RREB1: variants seen among roughly 807,000 people sequenced by gnomAD.
RREB1 encodes ras responsive element binding protein 1.
A neutral mutation model predicts 117.8 loss-of-function variants in RREB1; 27 were observed. The observed-to-expected ratio is 0.23, with a 90% CI of 0.17 to 0.32. The LOEUF (loss-of-function observed/expected upper bound fraction) is 0.32, where lower values mean the gene tolerates loss of function less well. RREB1 is among the 10% of genes least tolerant of loss of function. The probability of loss-of-function intolerance (pLI) is 1.00; values close to 1 mark genes in which losing one functional copy is unlikely to be tolerated. For synonymous variants in RREB1, 1,298 were observed against 1,026.7 expected (o/e 1.26, Z -5.05); for missense variants, 2,577 against 2,378.2 (o/e 1.08, Z -1.74).
rs1768635933 is a variant in RREB1 at position 7,240,471 on chromosome 6, C to G, written c.3842C>G (p.Ala1281Gly). Residue 1281 changes from alanine (A) to glycine (G), a missense_variant, in exon 11 of 13, where the codon GCC (alanine) becomes GGC (glycine). Ala to Gly is a moderately conservative substitution (Grantham distance 60, BLOSUM62 0). Transcript: ENST00000379938. ...CCCTTCCCTTGTCAAAAATGCGATG[C>G]CTTCTTTTCTACCAAATCTAACTGT... ...QKPFPCQKCDAFFSTKSNCER... is the reference protein window; with the variant it reads ...QKPFPCQKCDGFFSTKSNCER... 1 of 1,613,742 alleles carries G rather than the reference C, an allele frequency of 6.2e-7. No homozygotes were observed. The highest frequency in any genetic ancestry group is 8.5e-7 in the Non-Finnish European group (1 of 1,179,836).
Position 7,230,515 on chromosome 6 carries a change from A to G in RREB1, c.2416A>G (p.Ile806Val). The change falls in exon 10 of 13, where the codon ATC (isoleucine) becomes GTC (valine). Residue 806 changes from isoleucine to valine, a missense_variant. Transcript: ENST00000379938. Reference protein sequence around the residue: ...SAAFAAKRNCIHHILKQHLHV... With the variant: ...SAAFAAKRNCVHHILKQHLHV... ...CGCGTTCGCGGCCAAGCGCAACTGC[A>G]TCCACCACATCCTCAAGCAGCACCT... The G allele has an allele frequency of 6.3e-7, 1 of 1,594,318 alleles. No individual in the cohort carries two copies. Among genetic ancestry groups the G allele is most frequent in the Non-Finnish European group, 8.5e-7 (1 of 1,176,168 alleles).
chr6:7,170,741 A>G (rs543104237), intron 1 of RREB1, among the ~76,000 whole-genome samples: 13 of 152,272 alleles, frequency 8.5e-5, no homozygotes, highest in African/African-American at 2.9e-4. Context: ...AGAGTTAGAA[A>G]TGGGGATCTT....
intron 10 of RREB1, among the ~76,000 whole-genome samples, chr6:7,235,191 C>T (rs1283352872): frequency 2.0e-5 from 3 of 152,194 alleles, no homozygotes; most frequent in Non-Finnish European, 4.4e-5. Context: ...TTATATGGAG[C>T]ACTTGGCTAC....
intron 1 of RREB1, among the ~76,000 whole-genome samples, chr6:7,142,861 C>A (rs1232356902): frequency 6.6e-6 from 1 of 152,194 alleles, no homozygotes; most frequent in African/African-American, 2.4e-5. Flanking sequence ...ATTCTTCATT[C>A]TTCATGGGGG....
intron 1 of RREB1, among the ~76,000 whole-genome samples, chr6:7,173,778 C>CT: frequency 6.7e-6 from 1 of 148,404 alleles, no homozygotes; most frequent in East Asian, 2.0e-4. Flanking sequence ...TCAGCCTTGG[C>CT]GACAGAAAAA....
At chr6:7,167,032 T>A (rs1763967900) in intron 1 of RREB1, among the ~76,000 whole-genome samples, 1 of 152,218 alleles carries the variant, frequency 6.6e-6, no homozygotes, top group African/African-American at 2.4e-5. Flanking sequence ...CTCCCATTTC[T>A]ACCATACATT....
chr6:7,231,047 T>C lies in RREB1; in HGVS notation c.2948T>C (p.Leu983Ser), dbSNP rs115093903. 3,837 of 1,613,844 alleles carry C rather than the reference T, an allele frequency of 2.4e-3. 64 individuals carry two copies. In the African/African-American group the frequency reaches 0.042, roughly 18 times the overall value. ...PAPGPSLPVT[L>S]GPSGILESPM... is the part of the protein sequence containing the mutation. ...CCCGGCCCTTCTCTTCCTGTAACTT[T>C]GGGGCCCAGCGGAATCCTGGAAAGC... Residue 983 changes from leucine (L) to serine (S), a missense_variant, in exon 10 of 13, where the codon TTG becomes TCG. Coordinates refer to ENST00000379938, the MANE Select transcript of RREB1 (RefSeq NM_001003699.4).
intron 6 of RREB1, among the ~76,000 whole-genome samples, chr6:7,194,849 C>G (rs1039066891): frequency 2.0e-5 from 3 of 152,118 alleles, no homozygotes; most frequent in Admixed American, 2.0e-4. Flanking sequence ...CTGAAACCAC[C>G]GTAATGACAA....
In RREB1 at chr6:7,248,528, T is replaced by C; in HGVS notation, c.4789T>C (p.Cys1597Arg). Residue 1597 changes from cysteine to arginine, a missense_variant, in exon 13 of 13, where the codon TGT becomes CGT. Transcript: ENST00000379938. ...TGTTCCAGGGGAAAGGCCATACAAA[T>C]GTCAGACCTGCGAGCGAACCTTCAC... ...RSHTGERPYK[C>R]QTCERTFTLK... 1 of 1,614,202 alleles carries C rather than the reference T, an allele frequency of 6.2e-7. No homozygotes were observed. The highest frequency in any genetic ancestry group is 8.5e-7 in the Non-Finnish European group (1 of 1,180,020).
At chr6:7,127,974 C>T (rs1762008819) in intron 1 of RREB1, among the ~76,000 whole-genome samples, 1 of 152,122 alleles carries the variant, frequency 6.6e-6, no homozygotes, top group South Asian at 2.1e-4. Flanking sequence ...AGTCAGACTG[C>T]AGGCCCCAAA....
intron 12 of RREB1, among the ~76,000 whole-genome samples, chr6:7,247,691 G>A (rs936092787): frequency 6.6e-6 from 1 of 152,118 alleles, no homozygotes; most frequent in Non-Finnish European, 1.5e-5. Context: ...TTTCTTAGCC[G>A]TGCAGTTCGG....
At chr6:7,177,485 G>C (rs1764563819) in intron 2 of RREB1, among the ~76,000 whole-genome samples, 1 of 151,586 alleles carries the variant, frequency 6.6e-6, no homozygotes, top group African/African-American at 2.4e-5. Flanking sequence ...AACTTCATCT[G>C]GTTTCCCAGT....
At position 7,249,066 on chromosome 6, in the gene RREB1, AGAG is replaced by A; in HGVS notation, c.*99_*101del. The A allele has an allele frequency of 3.9e-5, 1 of 25,442 alleles. No homozygotes were observed. The highest frequency in any genetic ancestry group is 3.5e-4 in the Admixed American group (1 of 2,866). The allele number at this position is 25,442 out of a possible 1,614,324, so 1.6% of individuals were successfully genotyped here. On this transcript the variant is annotated 3_prime_UTR_variant, in exon 13 of 13. Coordinates refer to ENST00000379938, the MANE Select transcript of RREB1 (RefSeq NM_001003699.4). ...TGCCCTTTGGCTGTTGAGGAGTGAG[AGAG>A]AGAGAGAGAGAGAGAGAGAGAGAGA...
chr6:7,235,386 T>G (rs1323501111), intron 10 of RREB1, among the ~76,000 whole-genome samples: 1 of 152,162 alleles, frequency 6.6e-6, no homozygotes, highest in Non-Finnish European at 1.5e-5. Context: ...TCTCCAAAAC[T>G]TTGAAAAAAG....
In RREB1 at chr6:7,251,104, T is replaced by C. The variant is rs1483336777; in HGVS notation, c.*2136T>C. 1 of 152,132 alleles carries C rather than the reference T, an allele frequency of 6.6e-6. No homozygotes were observed. The highest frequency in any genetic ancestry group is 1.5e-5 in the Non-Finnish European group (1 of 68,030). The allele number at this position is 152,132 out of a possible 1,614,324, so 9.4% of individuals were successfully genotyped here. A position where few individuals can be genotyped will look rare whatever the true frequency, so the allele number is the denominator to read the frequency against. On this transcript the variant is annotated 3_prime_UTR_variant, in exon 13 of 13. Coordinates refer to ENST00000379938, the MANE Select transcript of RREB1 (RefSeq NM_001003699.4). ...GTGGGGAGAAGCTGTGACTAAACTC[T>C]ACGCTGCGGTGAGATGTAGCAGTAA... is the stretch of plus-strand genomic sequence containing the variant.
intron 1 of RREB1, among the ~76,000 whole-genome samples, chr6:7,120,732 G>A (rs1282783094): frequency 6.7e-6 from 1 of 149,900 alleles, no homozygotes; most frequent in African/African-American, 2.5e-5. Context: ...GTGCAGCCTC[G>A]ACCTCGTGGG....
At chr6:7,172,274 G>A (rs1045779187) in intron 1 of RREB1, among the ~76,000 whole-genome samples, 1 of 151,614 alleles carries the variant, frequency 6.6e-6, no homozygotes, top group African/African-American at 2.4e-5. Context: ...TGAGAGTATA[G>A]GAGTGTTCTG....
chr6:7,179,749 C>G (rs1581498625), intron 2 of RREB1, among the ~76,000 whole-genome samples: 1 of 151,510 alleles, frequency 6.6e-6, no homozygotes, highest in Non-Finnish European at 1.5e-5. Flanking sequence ...AGAAATCACC[C>G]AAAATAAACC....
At position 7,204,354 on chromosome 6, in the gene RREB1, T is replaced by C. The variant is rs138896957; in HGVS notation, c.426-6450T>C. On this transcript the variant is annotated intron_variant, in intron 6 of 12. Coordinates refer to ENST00000379938, the MANE Select transcript of RREB1 (RefSeq NM_001003699.4). ...GCTCTCCATCCCCCATTTGTTTGCA[T>C]AGAACTTGATTGGCATTACAAGCAT... Among the ~76,000 whole-genome samples, 50 of 145,990 alleles carry C rather than the reference T, an allele frequency of 3.4e-4. No individual in the cohort carries two copies. The East Asian group carries it at 0.01, about 30-fold the overall frequency.
Sources: allele counts gnomAD v4.1 joint callset (sites outside exome capture counted in the v4.1 genomes callset), GRCh38; gene constraint gnomAD v4.1.1; transcripts MANE v1.5; gene names NCBI Gene and HGNC (gene_info 2026-07-23, HGNC 2026-07-21).